Variants in TSHZ3 observed in about 807,000 individuals in gnomAD.
TSHZ3 encodes teashirt zinc finger homeobox 3, also known as teashirt homolog 3.
A neutral mutation model predicts 64.5 loss-of-function variants in TSHZ3; 10 were observed. That is an observed-to-expected ratio of 0.16 (90% CI 0.10 to 0.26). TSHZ3 has a LOEUF of 0.26. TSHZ3 is among the 10% of genes least tolerant of loss of function. TSHZ3 has a pLI of 1.00. For missense variants in TSHZ3, 1,242 were observed against 1,421.7 expected, an observed-to-expected ratio of 0.87 and a Z score of 2.03; for synonymous variants, 608 against 593.1, an observed-to-expected ratio of 1.03 and a Z score of -0.36.
At chr19:31,310,097 G>A (rs1029575200) in intron 1 of TSHZ3, among the ~76,000 whole-genome samples, 4 of 152,230 alleles carry the variant, frequency 2.6e-5, no homozygotes, top group East Asian at 1.9e-4. Flanking sequence ...GAGTTTGAGC[G>A]ACATCTCCTT....
At position 31,275,586 on chromosome 19, in the gene TSHZ3, G is replaced by T. The variant is rs766500508; in HGVS notation, c.*961C>A. On this transcript the variant is annotated 3_prime_UTR_variant, in exon 2 of 2. Coordinates refer to ENST00000240587, the MANE Select transcript of TSHZ3 (RefSeq NM_020856.4). The stretch of plus-strand genomic sequence containing the variant: ...TGCCAGGGATGTCTTTCCCGGTCTC[G>T]TTTATTCAGACTGCTCAAAACAAAT... The T allele has an allele frequency of 6.6e-6, 1 of 152,412 alleles. No individual in the cohort carries two copies. Among genetic ancestry groups the T allele is most frequent in the East Asian group, 1.9e-4 (1 of 5,180 alleles). 9.4% of individuals were successfully genotyped at this position (152,412 alleles called of 1,614,324 possible).
chr19:31,210,494 T>C (rs1363268258), intron 4 of TSHZ3, among the ~76,000 whole-genome samples: 1 of 152,132 alleles, frequency 6.6e-6, no homozygotes, highest in Non-Finnish European at 1.5e-5. Context: ...TCTCCTTTCT[T>C]CTGTGTCTCG....
chr19:31,159,075 C>A (rs1404778078), intron 5 of TSHZ3, among the ~76,000 whole-genome samples: 1 of 152,218 alleles, frequency 6.6e-6, no homozygotes, highest in African/African-American at 2.4e-5. Context: ...TCTCAGCTCA[C>A]TGCAACCTCC....
intron 3 of TSHZ3, among the ~76,000 whole-genome samples, chr19:31,230,661 G>A (rs1975526640): frequency 1.4e-5 from 2 of 144,042 alleles, no homozygotes; most frequent in East Asian, 2.1e-4. Flanking sequence ...GGAGTCAGCA[G>A]CCCCATCACT....
At chr19:31,290,672 G>T (rs1345956689) in intron 1 of TSHZ3, among the ~76,000 whole-genome samples, 3 of 152,074 alleles carry the variant, frequency 2.0e-5, no homozygotes, top group Non-Finnish European at 2.9e-5. Context: ...AAGAGAAAAT[G>T]GCATTCTTGG....
In TSHZ3 at chr19:31,278,061, C is replaced by T. The variant is rs777501287; in HGVS notation, c.1732G>A (p.Gly578Ser). 4 of 1,613,580 alleles carry T rather than the reference C, an allele frequency of 2.5e-6. No individual in the cohort carries two copies. Among genetic ancestry groups the T allele is most frequent in the Non-Finnish European group, 2.5e-6 (3 of 1,179,648 alleles). The change falls in exon 2 of 2, where the codon GGC becomes AGC. Residue 578 changes from glycine (G) to serine (S), a missense_variant. By Grantham distance (56) the Gly-to-Ser change is moderately conservative. Coordinates refer to ENST00000240587, the MANE Select transcript of TSHZ3 (RefSeq NM_020856.4). The surrounding 1 kb of genome is among the most constrained non-coding windows in gnomAD (Gnocchi z 4.7). ...GKSTPLKPMF[G>S]NSEIVSPTKN... ...GTCGGGGAGACAATCTCACTGTTGC[C>T]AAACATGGGTTTCAGGGGCGTGCTC...
At chr19:31,231,664 G>T (rs969597824) in intron 3 of TSHZ3, among the ~76,000 whole-genome samples, 3 of 151,994 alleles carry the variant, frequency 2.0e-5, no homozygotes, top group Admixed American at 2.0e-4. Context: ...GCAAAGTTTT[G>T]ATTCAGAAAT....
chr19:31,299,768 G>A (rs906069620), intron 1 of TSHZ3, among the ~76,000 whole-genome samples: 1 of 152,138 alleles, frequency 6.6e-6, no homozygotes, highest in Non-Finnish European at 1.5e-5. Flanking sequence ...TACTTCGGGG[G>A]TCTCTCACTG....
At chr19:31,228,426 T>C (rs1273426997) in intron 3 of TSHZ3, among the ~76,000 whole-genome samples, 1 of 150,460 alleles carries the variant, frequency 6.6e-6, no homozygotes, top group Non-Finnish European at 1.5e-5. Flanking sequence ...CTCCAGAGGC[T>C]GAGGGGGGAG....
chr19:31,270,342 G>A (rs1388420017), downstream of TSHZ3, among the ~76,000 whole-genome samples: 1 of 152,198 alleles, frequency 6.6e-6, no homozygotes, highest in African/African-American at 2.4e-5. Context: ...AATGTCCAGT[G>A]GAAATTTGTT....
intron 2 of TSHZ3, among the ~76,000 whole-genome samples, chr19:31,242,674 G>T (rs899406976): frequency 6.6e-6 from 1 of 152,100 alleles, no homozygotes; most frequent in Non-Finnish European, 1.5e-5. Flanking sequence ...TCCAAAGGCA[G>T]CAGCAGATGT....
At chr19:31,266,949 C>A (rs1415305463) in intron 1 of TSHZ3, among the ~76,000 whole-genome samples, 2 of 152,196 alleles carry the variant, frequency 1.3e-5, no homozygotes, top group East Asian at 3.9e-4. Context: ...CAGTACACCT[C>A]GGGCCCTGTC....
chr19:31,343,246 C>A (rs1328498686), intron 1 of TSHZ3, among the ~76,000 whole-genome samples: 1 of 151,996 alleles, frequency 6.6e-6, no homozygotes, highest in East Asian at 1.9e-4. Context: ...ATCATTAAGC[C>A]CAAACAAATT....
intron 4 of TSHZ3, among the ~76,000 whole-genome samples, chr19:31,214,935 AC>A (rs1975307491): frequency 6.6e-6 from 1 of 150,998 alleles, no homozygotes; most frequent in Non-Finnish European, 1.5e-5. Flanking sequence ...AAAAAAAAGA[AC>A]CGAGCATTCA....
intron 3 of TSHZ3, among the ~76,000 whole-genome samples, chr19:31,229,156 T>A (rs1445798027): frequency 6.6e-6 from 1 of 152,212 alleles, no homozygotes; most frequent in African/African-American, 2.4e-5. Context: ...ATAAGTCTAT[T>A]ATAATTCCAA....
upstream of TSHZ3, chr19:31,349,552 A>C: frequency 4.2e-6 from 1 of 239,916 alleles, no homozygotes. Flanking sequence ...GGGAAGTTTG[A>C]CAAATCGCTC....
chr19:31,292,448 GGGCCTCTTCAGGT>G (rs1181251107), intron 1 of TSHZ3, among the ~76,000 whole-genome samples: 1 of 152,124 alleles, frequency 6.6e-6, no homozygotes, highest in East Asian at 1.9e-4. Context: ...TCCTTAAAAT[GGGCCTCTTCAGGT>G]GGCTAAACAT....
chr19:31,314,122 T>C (rs368199366), intron 1 of TSHZ3, among the ~76,000 whole-genome samples: 1 of 152,182 alleles, frequency 6.6e-6, no homozygotes, highest in African/African-American at 2.4e-5. Context: ...GATGACATGA[T>C]GACACAGGGT....
chr19:31,241,981 C>T (rs919351410), intron 3 of TSHZ3, among the ~76,000 whole-genome samples: 1 of 152,204 alleles, frequency 6.6e-6, no homozygotes, highest in African/African-American at 2.4e-5. Flanking sequence ...ACCATCTTCA[C>T]TTGATGCCTA....
Sources: gnomAD v4.1 joint callset for allele counts (sites outside exome capture counted in the v4.1 genomes callset) on GRCh38, gnomAD v4.1.1 for gene constraint, Gnocchi (gnomAD v3.1) non-coding constraint, MANE v1.5 for transcripts, NCBI Gene and HGNC (gene_info 2026-07-23, HGNC 2026-07-21) for gene names.